MYO18B: variants seen among roughly 807,000 people sequenced by gnomAD.
MYO18B encodes myosin XVIIIB, also known as unconventional myosin-XVIIIb.
In MYO18B, 204 loss-of-function variants were observed where a neutral mutation model predicts 273.0. The ratio of observed to expected loss-of-function variants is 0.75; its 90% CI spans 0.67 to 0.84. The LOEUF (loss-of-function observed/expected upper bound fraction) is 0.84. Among genes scored for constraint, MYO18B ranks in the 40% least tolerant of loss-of-function variants. The pLI, the probability that MYO18B is intolerant of heterozygous loss-of-function variation, is 0.00. For synonymous variants in MYO18B, 1,330 were observed against 1,305.7 expected, an observed-to-expected ratio of 1.02 and a Z score of -0.40; for missense variants, 3,212 against 3,287.6, an observed-to-expected ratio of 0.98 and a Z score of 0.56.
chr22:25,876,669 C>A (rs1242946892), intron 24 of MYO18B, among the ~76,000 whole-genome samples: 1 of 152,068 alleles, frequency 6.6e-6, no homozygotes, highest in East Asian at 1.9e-4. Context: ...TTTTACCTCT[C>A]AGACAACACT....
intron 33 of MYO18B, among the ~76,000 whole-genome samples, chr22:25,920,424 CTTAA>C (rs2092323872): frequency 6.6e-6 from 1 of 152,152 alleles, no homozygotes; most frequent in Admixed American, 6.5e-5. Context: ...TCTGTTTTGG[CTTAA>C]CCTGTACTTT....
At chr22:25,749,788 G>C (rs133862) in intron 1 of MYO18B, among the ~76,000 whole-genome samples, 5,834 of 152,272 alleles carry the variant, frequency 0.038, 300 homozygotes, top group African/African-American at 0.12. Context: ...GGTGCAGAGG[G>C]CTCACTCCAG....
rs754654475 is a variant in MYO18B, at chr22:25,992,491, G to C, written c.6285G>C (p.Glu2095Asp). The change falls in exon 40 of 44, where the codon GAG becomes GAC. Residue 2095 changes from glutamate (E) to aspartate (D), a missense_variant and splice_region_variant. Glu to Asp is a conservative substitution (Grantham distance 45, BLOSUM62 2). Coordinates refer to ENST00000335473, the MANE Select transcript of MYO18B (RefSeq NM_032608.7). Reference protein sequence around the residue: ...EEVASSDSDTESVQTAVDCGS... With the variant: ...EEVASSDSDTDSVQTAVDCGS... ...TGGCATCCAGTGACAGTGATACTGAGAGGTAACTTGCTAGGGGCTCGGCGG... is the reference window on the plus strand; with the variant it reads ...TGGCATCCAGTGACAGTGATACTGACAGGTAACTTGCTAGGGGCTCGGCGG... 6.2e-7 allele frequency: 1 copy of C among 1,613,912 alleles called. No homozygotes were observed. Among genetic ancestry groups the C allele is most frequent in the Non-Finnish European group, 8.5e-7 (1 of 1,179,862 alleles).
chr22:25,942,904 C>T (rs1398668421), intron 34 of MYO18B, among the ~76,000 whole-genome samples: 1 of 151,906 alleles, frequency 6.6e-6, no homozygotes, highest in Non-Finnish European at 1.5e-5. Context: ...TCTGCTTGCT[C>T]CAAGGAAAGA....
Position 26,026,641 on chromosome 22 carries a change from C to G in MYO18B, c.6667C>G (p.Pro2223Ala). The change falls in exon 43 of 44, where the codon CCT becomes GCT. Residue 2223 changes from proline (P) to alanine (A), a missense_variant. Pro to Ala is a conservative substitution (Grantham distance 27). Coordinates refer to ENST00000335473, the MANE Select transcript of MYO18B (RefSeq NM_032608.7). ...GAGAAAGTCCACAGAGAGATTAGAA[C>G]CTGCTTCCTCTCCCCTGGCTTCTCG... is the stretch of plus-strand genomic sequence containing the variant. Reference protein sequence around the residue: ...VQRKSTERLEPASSPLASRST... With the variant: ...VQRKSTERLEAASSPLASRST... The G allele has an allele frequency of 6.2e-7, 1 of 1,613,404 alleles. No homozygotes were observed. The highest frequency in any genetic ancestry group is 8.5e-7 in the Non-Finnish European group (1 of 1,179,434).
chr22:25,905,815 G>T (rs996121252), intron 31 of MYO18B, among the ~76,000 whole-genome samples: 1 of 152,168 alleles, frequency 6.6e-6, no homozygotes, highest in Admixed American at 6.5e-5. Flanking sequence ...AATCAGTGAA[G>T]GTTTGTGAAG....
intron 1 of MYO18B, among the ~76,000 whole-genome samples, chr22:25,742,960 G>C (rs2085671808): frequency 6.6e-6 from 1 of 152,204 alleles, no homozygotes; most frequent in African/African-American, 2.4e-5. Flanking sequence ...CCCATAGTGG[G>C]GCAGAAGGGG....
chr22:26,057,186 C>G, the MYO18B span, among the ~76,000 whole-genome samples: 1 of 152,002 alleles, frequency 6.6e-6, no homozygotes, highest in Non-Finnish European at 1.5e-5. Flanking sequence ...AAGGATGCAG[C>G]CAGCAAACTA....
intron 39 of MYO18B, among the ~76,000 whole-genome samples, chr22:25,972,289 G>A (rs2093043927): frequency 6.6e-6 from 1 of 152,018 alleles, no homozygotes; most frequent in African/African-American, 2.4e-5. Flanking sequence ...TGCTTGGTTT[G>A]CATCTGTTAA....
chr22:25,842,217 T>C lies in MYO18B; in HGVS notation c.3209-1518T>C, dbSNP rs559334499. Among the ~76,000 whole-genome samples, 5 of 152,220 alleles carry C rather than the reference T, an allele frequency of 3.3e-5. No individual in the cohort carries two copies. The South Asian group carries it at 1.0e-3, about 32-fold the overall frequency. On this transcript the variant is annotated intron_variant, in intron 17 of 43. Transcript: ENST00000335473. The stretch of plus-strand genomic sequence containing the variant: ...AGTTCCAAGAAATGCAGGTCCTTTG[T>C]TTCCTAGCTTACTGGAGTTTAGAGG...
chr22:25,765,861 G>A (rs2086486887), intron 3 of MYO18B, among the ~76,000 whole-genome samples: 1 of 152,208 alleles, frequency 6.6e-6, no homozygotes, highest in Non-Finnish European at 1.5e-5. Context: ...ATAAGGCACT[G>A]ACTTACTTTT....
chr22:25,915,437 G>A (rs988262304), intron 33 of MYO18B, among the ~76,000 whole-genome samples: 3 of 152,190 alleles, frequency 2.0e-5, no homozygotes, highest in Non-Finnish European at 4.4e-5. Context: ...TTGTGACACA[G>A]TGGTAAGTAT....
intron 21 of MYO18B, among the ~76,000 whole-genome samples, chr22:25,855,412 T>C (rs1405805161): frequency 1.3e-5 from 2 of 151,582 alleles, no homozygotes; most frequent in Non-Finnish European, 2.9e-5. Context: ...GCCTCCTGAG[T>C]AGCTGGAACT....
At position 25,835,791 on chromosome 22, in the gene MYO18B, T is replaced by C. The variant is rs532894903; in HGVS notation, c.3208+348T>C. Among the ~76,000 whole-genome samples, 8 of 152,320 alleles carry C rather than the reference T, an allele frequency of 5.3e-5. No individual in the cohort carries two copies. In the East Asian group the frequency reaches 1.5e-3, roughly 29 times the overall value. On this transcript the variant is annotated intron_variant, in intron 17 of 43. Transcript: ENST00000335473. ...CGTTTCTCATTTTTCTGGTAGCCAG[T>C]GGGAGATGCGTGCAGATGCATCTAA... is the stretch of plus-strand genomic sequence containing the variant.
downstream of MYO18B, among the ~76,000 whole-genome samples, chr22:26,032,495 A>G (rs1936688455): frequency 6.9e-6 from 1 of 145,118 alleles, no homozygotes; most frequent in African/African-American, 2.6e-5. Context: ...GCCTATCCTG[A>G]TGGCCTGATT....
At chr22:25,927,743 C>T (rs949400172) in intron 34 of MYO18B, among the ~76,000 whole-genome samples, 25 of 152,160 alleles carry the variant, frequency 1.6e-4, no homozygotes, top group African/African-American at 5.8e-4. Context: ...AACCTACCGA[C>T]GTGTGATGTC....
chr22:25,938,936 C>T (rs1434981431), intron 34 of MYO18B, among the ~76,000 whole-genome samples: 1 of 152,178 alleles, frequency 6.6e-6, no homozygotes, highest in African/African-American at 2.4e-5. Flanking sequence ...TCCTGTCTCA[C>T]CCTCCTGGGT....
chr22:25,755,142 T>C (rs2086071661), intron 1 of MYO18B, among the ~76,000 whole-genome samples: 1 of 152,174 alleles, frequency 6.6e-6, no homozygotes, highest in African/African-American at 2.4e-5. Context: ...CTTCTCTTCT[T>C]TCCCCCATCC....
chr22:25,935,211 C>A (rs150707114), intron 34 of MYO18B, among the ~76,000 whole-genome samples: 10 of 152,276 alleles, frequency 6.6e-5, no homozygotes, highest in African/African-American at 2.4e-4. Flanking sequence ...TTTAAATGTG[C>A]CGCTTTGCCT....
Sources: allele counts gnomAD v4.1 joint callset (sites outside exome capture counted in the v4.1 genomes callset), GRCh38; gene constraint gnomAD v4.1.1; transcripts MANE v1.5; gene names NCBI Gene and HGNC (gene_info 2026-07-23, HGNC 2026-07-21).